Variants in RIMKLB observed in about 807,000 individuals in gnomAD.
RIMKLB encodes the protein beta-citrylglutamate synthase B.
RIMKLB carries 7 observed loss-of-function variants against 32.0 expected under a neutral mutation model. The observed-to-expected ratio is 0.22, with a 90% confidence interval of 0.12 to 0.41. The LOEUF is 0.41. Among genes scored for constraint, RIMKLB ranks in the 10% least tolerant of loss-of-function variants. The pLI is 1.00. For synonymous variants in RIMKLB, 172 were observed against 185.1 expected (o/e 0.93, Z 0.57); for missense variants, 289 against 498.7 (o/e 0.58, Z 4.00).
chr12:8,742,597 G>T, intron 2 of RIMKLB: 1 of 301,274 alleles, frequency 3.3e-6, no homozygotes, highest in Non-Finnish European at 6.4e-6. Flanking sequence ...AGAGGACCTG[G>T]GAGAAGCTTC....
At chr12:8,709,450 T>C (rs947292092) in intron 1 of RIMKLB, among the ~76,000 whole-genome samples, 2 of 152,220 alleles carry the variant, frequency 1.3e-5, no homozygotes, top group South Asian at 2.1e-4. Flanking sequence ...GAGAGAACCA[T>C]TGAGGGGCAG....
At chr12:8,671,928 A>C in the RIMKLB span, among the ~76,000 whole-genome samples, 1 of 152,046 alleles carries the variant, frequency 6.6e-6, no homozygotes, top group African/African-American at 2.4e-5. Flanking sequence ...AAACAAAACA[A>C]AACAAAACAA....
the RIMKLB span, among the ~76,000 whole-genome samples, chr12:8,673,815 T>C: frequency 6.6e-6 from 1 of 152,030 alleles, no homozygotes; most frequent in Non-Finnish European, 1.5e-5. Context: ...CAGACTAGTC[T>C]CGAATTCCTG....
intron 2 of RIMKLB, among the ~76,000 whole-genome samples, chr12:8,743,799 C>T (rs2137567853): frequency 6.6e-6 from 1 of 151,996 alleles, no homozygotes; most frequent in African/African-American, 2.4e-5. Context: ...AACTTATTAA[C>T]CTTATTGTTA....
At chr12:8,707,549 A>G (rs1944003057) in intron 1 of RIMKLB, among the ~76,000 whole-genome samples, 1 of 152,118 alleles carries the variant, frequency 6.6e-6, no homozygotes, top group African/African-American at 2.4e-5. Flanking sequence ...TTACACAGGC[A>G]TGATTGATTA....
In RIMKLB at chr12:8,698,231, C is replaced by A. The variant is rs1035947358; in HGVS notation, c.-123C>A. 2 of 373,362 alleles carry A rather than the reference C, an allele frequency of 5.4e-6. No individual in the cohort carries two copies. Among genetic ancestry groups the A allele is most frequent in the Non-Finnish European group, 1.1e-5 (2 of 183,634 alleles). 23.1% of individuals were successfully genotyped at this position (373,362 alleles called of 1,614,324 possible). ...CCCCACTTCCAGCCGCCCGGCGGCC[C>A]GCGCTTCCTCGAAGGCCCCAGCCCG... On this transcript the variant is annotated 5_prime_UTR_variant, in exon 1 of 6. Transcript: ENST00000535829.
At chr12:8,753,807 G>C (rs1948808154) in intron 4 of RIMKLB, 83 bp from the exon 5 acceptor site, 2 of 1,081,524 alleles carry the variant, frequency 1.8e-6, no homozygotes, top group Non-Finnish European at 2.8e-6. Context: ...ATAGCAGATT[G>C]TGATACAAGA....
At chr12:8,741,777 C>T (rs183461925) in intron 2 of RIMKLB, among the ~76,000 whole-genome samples, 2 of 151,968 alleles carry the variant, frequency 1.3e-5, no homozygotes, top group African/African-American at 4.8e-5. Context: ...AAGACCAAAA[C>T]TAACTATTGG....
intron 2 of RIMKLB, among the ~76,000 whole-genome samples, chr12:8,739,383 A>G (rs1947293701): frequency 6.6e-6 from 1 of 152,178 alleles, no homozygotes; most frequent in African/African-American, 2.4e-5. Context: ...AGTTCTCACT[A>G]TGTTGCCCAG....
intron 3 of RIMKLB, 66 bp downstream of exon 3, chr12:8,750,158 T>C (rs1948494241): frequency 1.0e-6 from 1 of 1,001,944 alleles, no homozygotes; most frequent in African/African-American, 1.6e-5. Context: ...AGGATAAATT[T>C]ACAGACATGA....
intron 5 of RIMKLB, among the ~76,000 whole-genome samples, chr12:8,766,512 G>T (rs1196746553): frequency 6.6e-6 from 1 of 152,154 alleles, no homozygotes; most frequent in Non-Finnish European, 1.5e-5. Flanking sequence ...TTTGAGTCGG[G>T]ATTGAGATAG....
At chr12:8,668,896 T>C in the RIMKLB span, 2 of 151,804 alleles carry the variant, frequency 1.3e-5, no homozygotes, top group African/African-American at 2.4e-5. Flanking sequence ...AATGTTTTTG[T>C]TTTAAGCTGT....
the RIMKLB span, among the ~76,000 whole-genome samples, chr12:8,674,389 C>T: frequency 6.6e-6 from 1 of 151,658 alleles, no homozygotes; most frequent in Non-Finnish European, 1.5e-5. Flanking sequence ...CAAGTGCCCG[C>T]CACCACGCCC....
chr12:8,677,379 C>A (rs2136509891), upstream of RIMKLB, among the ~76,000 whole-genome samples: 1 of 152,238 alleles, frequency 6.6e-6, no homozygotes, highest in Middle Eastern at 3.4e-3. Context: ...ATACACCACA[C>A]CCTTTATCAC....
Position 8,775,006 on chromosome 12 carries a change from G to A in RIMKLB, c.*1222G>A. 1.0e-6 allele frequency: 1 copy of A among 985,744 alleles called. No homozygotes were observed. The highest frequency in any genetic ancestry group is 1.2e-6 in the Non-Finnish European group (1 of 829,860). 61.1% of individuals were successfully genotyped at this position (985,744 alleles called of 1,614,324 possible). A position where few individuals can be genotyped will look rare whatever the true frequency, so the allele number is the denominator to read the frequency against. On this transcript the variant is annotated 3_prime_UTR_variant, in exon 6 of 6. Transcript: ENST00000535829. ...TTTGACTTTAAAAAACAGATGAGTT[G>A]TTTTCATAAGTAGACTCCACTGGGG...
At chr12:8,709,338 T>C (rs751760341) in intron 1 of RIMKLB, among the ~76,000 whole-genome samples, 1 of 152,358 alleles carries the variant, frequency 6.6e-6, no homozygotes, top group Admixed American at 6.5e-5. Context: ...GCATTTCTGT[T>C]TTTTCCTGTT....
upstream of RIMKLB, among the ~76,000 whole-genome samples, chr12:8,677,380 C>A (rs1025792026): frequency 1.3e-5 from 2 of 152,092 alleles, no homozygotes; most frequent in Non-Finnish European, 2.9e-5. Context: ...TACACCACAC[C>A]CTTTATCACA....
At position 8,713,880 on chromosome 12, in the gene RIMKLB, T is replaced by C. The variant is rs1944577875; in HGVS notation, c.14T>C (p.Val5Ala). ...AAGCTGATCAAGATGTGTAGTTCTG[T>C]GGCTGCCAAGTTGTGGTTTTTGACA... MCSS[V>A]AAKLWFLTDR... The change falls in exon 2 of 6, where the codon GTG (valine) becomes GCG (alanine). Residue 5 changes from valine (V) to alanine (A), a missense_variant. By Grantham distance (64) the Val-to-Ala change is moderately conservative (BLOSUM62 0). This residue lies in a region of RIMKLB where 34 missense variants were observed against 35.3 expected (regional missense o/e 0.96). Transcript: ENST00000535829. 4 of 1,614,060 alleles carry C rather than the reference T, an allele frequency of 2.5e-6. No homozygotes were observed. The highest frequency in any genetic ancestry group is 1.3e-5 in the African/African-American group (1 of 75,010).
intron 2 of RIMKLB, among the ~76,000 whole-genome samples, chr12:8,729,124 G>A (rs1460087396): frequency 2.0e-5 from 3 of 152,152 alleles, no homozygotes; most frequent in African/African-American, 7.2e-5. Flanking sequence ...CCCAAAGGAA[G>A]TGTTACAGTG....
Sources: gnomAD v4.1 joint callset for allele counts (sites outside exome capture counted in the v4.1 genomes callset) on GRCh38, gnomAD v4.1.1 for gene constraint, gnomAD v4.1.1 regional missense constraint, MANE v1.5 for transcripts, NCBI Gene and HGNC (gene_info 2026-07-23, HGNC 2026-07-21) for gene names.